The following BANP variants were observed in gnomAD, a reference collection of about 807,000 sequenced individuals.
BANP encodes the protein BTG3 associated nuclear protein.
In BANP, 11 loss-of-function variants were observed where a neutral mutation model predicts 68.1. That is an observed-to-expected ratio of 0.16 (90% CI 0.10 to 0.27). BANP has a LOEUF of 0.27. Ranked by LOEUF, BANP falls within the 10% of genes least tolerant of loss-of-function variation. The probability of loss-of-function intolerance (pLI) is 1.00; values close to 1 mark genes in which losing one functional copy is unlikely to be tolerated. For missense variants in BANP, 504 were observed against 722.7 expected, an observed-to-expected ratio of 0.70 and a Z score of 3.47; for synonymous variants, 329 against 303.2, an observed-to-expected ratio of 1.09 and a Z score of -0.88.
intron 2 of BANP, among the ~76,000 whole-genome samples, chr16:87,976,498 A>C (rs2062172867): frequency 8.1e-5 from 2 of 24,784 alleles, no homozygotes; most frequent in Non-Finnish European, 1.5e-4. Context: ...TTGGCCATAA[A>C]GTAGTATATG....
intron 4 of BANP, among the ~76,000 whole-genome samples, chr16:87,991,158 G>A (rs1296278705): frequency 6.6e-6 from 1 of 152,062 alleles, no homozygotes; most frequent in East Asian, 1.9e-4. Flanking sequence ...CTGCAACTTC[G>A]GGAATTATTC....
intron 1 of BANP, among the ~76,000 whole-genome samples, chr16:87,971,343 C>T (rs2061085251): frequency 6.6e-6 from 1 of 152,178 alleles, no homozygotes; most frequent in Non-Finnish European, 1.5e-5. Flanking sequence ...GTTTGGTTTT[C>T]CGAAGCTTGT....
Position 88,027,496 on chromosome 16 carries a change from T to A in BANP, c.909T>A (p.Tyr303Ter). The A allele has an allele frequency of 6.2e-7, 1 of 1,613,616 alleles. No homozygotes were observed. The highest frequency in any genetic ancestry group is 8.5e-7 in the Non-Finnish European group (1 of 1,179,828). Residue 303 changes from tyrosine to a stop codon, truncating the protein, a stop_gained, in exon 8 of 14, where the codon TAT (tyrosine) becomes TAA (stop). Transcript: ENST00000682872. LOFTEE classifies it high-confidence loss of function. The part of the protein sequence containing the change: ...TIYGIRCHLF[Y>*]KFGITESDWY... Reference sequence around the variant, plus strand: ...GTGTCCTTCCAGGTCACCTTTTCTATAAATTTGGCATCACAGAATCCGACT... The same window carrying A: ...GTGTCCTTCCAGGTCACCTTTTCTAAAAATTTGGCATCACAGAATCCGACT...
intron 12 of BANP, among the ~76,000 whole-genome samples, chr16:88,068,841 C>A (rs1015863547): frequency 1.3e-5 from 2 of 152,124 alleles, no homozygotes; most frequent in Admixed American, 6.5e-5. Flanking sequence ...CTCTTCCTTT[C>A]TTGGGAAGAA....
At chr16:87,982,318 C>T (rs904968419) in intron 3 of BANP, among the ~76,000 whole-genome samples, 7 of 152,162 alleles carry the variant, frequency 4.6e-5, no homozygotes, top group Admixed American at 4.6e-4. Context: ...GTGCGTGGCT[C>T]TAGGTTGTTT....
intron 1 of BANP, among the ~76,000 whole-genome samples, chr16:87,954,508 T>A (rs1239044653): frequency 6.6e-6 from 1 of 152,006 alleles, no homozygotes; most frequent in Non-Finnish European, 1.5e-5. Flanking sequence ...TTTGAAAGAG[T>A]CCAGTTTCCC....
At chr16:88,019,714 G>A (rs2075588539) in intron 7 of BANP, among the ~76,000 whole-genome samples, 1 of 148,578 alleles carries the variant, frequency 6.7e-6, no homozygotes, top group African/African-American at 2.5e-5. Flanking sequence ...TGCGGGGGGC[G>A]GGGCGTGCGG....
At chr16:88,007,090 C>G (rs1465753297) in intron 6 of BANP, among the ~76,000 whole-genome samples, 1 of 151,996 alleles carries the variant, frequency 6.6e-6, no homozygotes, top group African/African-American at 2.4e-5. Flanking sequence ...TAACTCACTT[C>G]TTTCCCCTAC....
At chr16:87,979,491 A>G (rs532272060) in intron 2 of BANP, among the ~76,000 whole-genome samples, 1 of 66,986 alleles carries the variant, frequency 1.5e-5, no homozygotes, top group Non-Finnish European at 5.2e-5. Flanking sequence ...GGCTGGACAG[A>G]AGGTTGTTAG....
intron 1 of BANP, chr16:87,952,188 A>T (rs141469762): frequency 6.6e-6 from 1 of 152,282 alleles, no homozygotes. Flanking sequence ...TAGGATGCAG[A>T]AAGTAGATGA....
chr16:88,054,479 A>G (rs981724782), intron 11 of BANP, among the ~76,000 whole-genome samples: 2 of 151,356 alleles, frequency 1.3e-5, no homozygotes, highest in African/African-American at 4.9e-5. Flanking sequence ...ACCACTACCA[A>G]CAACACATCT....
chr16:87,974,638 C>G (rs949507622), intron 1 of BANP, among the ~76,000 whole-genome samples: 1 of 152,034 alleles, frequency 6.6e-6, no homozygotes, highest in Non-Finnish European at 1.5e-5. Flanking sequence ...ATGCTTCTTT[C>G]TGGGGTGTGG....
chr16:88,045,197 C>T lies in BANP; in HGVS notation c.1311+7186C>T, dbSNP rs1390428570. Reference sequence around the variant, plus strand: ...CTAGATCAGGAAAATTAGGATTATCCGTGTCACTTGGGCATTAGAATGAAG... The same window carrying T: ...CTAGATCAGGAAAATTAGGATTATCTGTGTCACTTGGGCATTAGAATGAAG... On this transcript the variant is annotated intron_variant, in intron 11 of 13. Coordinates refer to ENST00000682872, the MANE Select transcript of BANP (RefSeq NM_001386991.1). Among the ~76,000 whole-genome samples, 5 of 152,076 alleles carry T rather than the reference C, an allele frequency of 3.3e-5. 1 individual carries two copies. In the South Asian group the frequency reaches 8.3e-4, roughly 25 times the overall value.
Position 88,077,172 on chromosome 16 carries a change from T to C in BANP, c.*511T>C, listed in dbSNP as rs1180502692. On this transcript the variant is annotated 3_prime_UTR_variant, in exon 14 of 14. Transcript: ENST00000682872. The stretch of plus-strand genomic sequence containing the variant: ...GTCATGAGACGGGAGCCCTTTGCTG[T>C]GTGCTCTGTCCAGTGTCATGAGGCA... The C allele has an allele frequency of 6.3e-6, 1 of 159,868 alleles. No homozygotes were observed. The highest frequency in any genetic ancestry group is 6.1e-5 in the Admixed American group (1 of 16,528). 9.9% of individuals were successfully genotyped at this position (159,868 alleles called of 1,614,324 possible). A position where few individuals can be genotyped will look rare whatever the true frequency, so the allele number is the denominator to read the frequency against.
At chr16:87,986,281 CGTT>C (rs2064396261) in intron 4 of BANP, among the ~76,000 whole-genome samples, 1 of 152,220 alleles carries the variant, frequency 6.6e-6, no homozygotes, top group African/African-American at 2.4e-5. Context: ...TCACTTGTCA[CGTT>C]GTGCCAGTGC....
chr16:87,967,622 A>ATTTTTT (rs375783410), intron 1 of BANP, among the ~76,000 whole-genome samples: 13 of 120,580 alleles, frequency 1.1e-4, no homozygotes, highest in Admixed American at 1.8e-4. Flanking sequence ...CACCCAGTTA[A>ATTTTTT]TTTTTTTTTT....
chr16:88,032,890 C>G (rs1392028975), intron 8 of BANP, among the ~76,000 whole-genome samples: 2 of 152,236 alleles, frequency 1.3e-5, no homozygotes, highest in Non-Finnish European at 2.9e-5. Context: ...ACGCCACTCT[C>G]AGGCCCTTTT....
In BANP at chr16:88,071,809, T is replaced by C. The variant is rs1323222283; in HGVS notation, c.1378-260T>C. 2.9e-6 allele frequency: 2 copies of C among 688,214 alleles called. No individual in the cohort carries two copies. Among genetic ancestry groups the C allele is most frequent in the East Asian group, 5.5e-5 (2 of 36,278 alleles). The allele number at this position is 688,214 out of a possible 1,614,324, so 42.6% of individuals were successfully genotyped here. A position where few individuals can be genotyped will look rare whatever the true frequency, so the allele number is the denominator to read the frequency against. ...CTTGCTTTTTTTTTTTTCCCTTTTT[T>C]CTGCTCTGTAGGTGCTTGAGGGCGG... On this transcript the variant is annotated intron_variant, in intron 12 of 13. Transcript: ENST00000682872. The surrounding 1 kb of genome is among the most constrained non-coding windows in gnomAD (Gnocchi z 6.5).
chr16:87,961,585 T>C (rs1367492626), intron 1 of BANP, among the ~76,000 whole-genome samples: 1 of 152,222 alleles, frequency 6.6e-6, no homozygotes, highest in East Asian at 1.9e-4. Context: ...TTTGTAAAAA[T>C]GTAAAACAAT....
Sources: allele counts gnomAD v4.1 joint callset (sites outside exome capture counted in the v4.1 genomes callset), GRCh38; gene constraint gnomAD v4.1.1; non-coding constraint Gnocchi (gnomAD v3.1); transcripts MANE v1.5; gene names NCBI Gene and HGNC (gene_info 2026-07-23, HGNC 2026-07-21).